ZNF516: variants seen among roughly 807,000 people sequenced by gnomAD.
ZNF516 encodes zinc finger protein 516.
A neutral mutation model predicts 79.7 loss-of-function variants in ZNF516; 19 were observed. The observed-to-expected ratio is 0.24, with a 90% CI of 0.17 to 0.35. ZNF516 has a LOEUF of 0.35. Ranked by LOEUF, ZNF516 falls within the 10% of genes least tolerant of loss-of-function variation. ZNF516 has a pLI of 1.00. For missense variants in ZNF516, 1,678 were observed against 1,679.5 expected, an observed-to-expected ratio of 1.00 and a Z score of 0.02; for synonymous variants, 877 against 739.5, an observed-to-expected ratio of 1.19 and a Z score of -3.02.
rs1238126134 is a variant in ZNF516, at chr18:76,379,622, A to C, written c.2492T>G (p.Leu831Arg). ...ALGGKECQPL[L>R]LARFTRTQVP... is the part of the protein sequence containing the mutation. Reference sequence around the variant, plus strand: ...CTGAGTGCGGGTGAACCGAGCAAGGAGCAAAGGCTGGCATTCTTTGCCACC... The same window carrying C: ...CTGAGTGCGGGTGAACCGAGCAAGGCGCAAAGGCTGGCATTCTTTGCCACC... The change falls in exon 4 of 7, where the codon CTC becomes CGC. Residue 831 changes from leucine to arginine, a missense_variant. Transcript: ENST00000443185. 1 of 1,613,604 alleles carries C rather than the reference A, an allele frequency of 6.2e-7. No individual in the cohort carries two copies. Among genetic ancestry groups the C allele is most frequent in the Admixed American group, 1.7e-5 (1 of 60,032 alleles).
intron 3 of ZNF516, among the ~76,000 whole-genome samples, chr18:76,400,206 G>A (rs961220729): frequency 2.6e-5 from 4 of 152,168 alleles, no homozygotes; most frequent in Non-Finnish European, 4.4e-5. Context: ...AAGCCAGAGA[G>A]GGAAAAAGAC....
chr18:76,385,504 A>G (rs2145089367), intron 3 of ZNF516: 1 of 150,392 alleles, frequency 6.6e-6, no homozygotes, highest in East Asian at 1.9e-4. Flanking sequence ...AAAAGTCTGC[A>G]GCCACGCAGC....
chr18:76,377,282 G>A (rs934828207), intron 4 of ZNF516, among the ~76,000 whole-genome samples: 10 of 152,256 alleles, frequency 6.6e-5, no homozygotes, highest in Non-Finnish European at 1.5e-4. Flanking sequence ...CGTGAATGAC[G>A]AGACCCTCGG....
Position 76,457,650 on chromosome 18 carries a change from G to A in ZNF516, c.-158+5378C>T, listed in dbSNP as rs549319945. ...GAAGATCCCTGACGCCGGGGAGGTC[G>A]AGGCTGCAGTGAGCCATGATCATGC... On this transcript the variant is annotated intron_variant, in intron 2 of 6. Transcript: ENST00000443185. 3.2e-4 allele frequency among the ~76,000 whole-genome samples: 48 copies of A among 152,302 alleles called. 1 individual carries two copies. The South Asian group carries it at 9.1e-3, about 29-fold the overall frequency.
At chr18:76,411,611 G>A (rs1449603077) in intron 3 of ZNF516, among the ~76,000 whole-genome samples, 1 of 152,206 alleles carries the variant, frequency 6.6e-6, no homozygotes, top group Non-Finnish European at 1.5e-5. Flanking sequence ...ATGGAAGGAT[G>A]TGTTGAAAAC....
At chr18:76,452,104 G>GA (rs1009535609) in intron 2 of ZNF516, among the ~76,000 whole-genome samples, 4 of 152,098 alleles carry the variant, frequency 2.6e-5, no homozygotes, top group Non-Finnish European at 5.9e-5. Context: ...GCATTCACAA[G>GA]AAACTCCACC....
At position 76,360,646 on chromosome 18, in the gene ZNF516, A is replaced by AAATATATAT. The variant is rs373540251; in HGVS notation, c.*1851_*1852insATATATATT. The AAATATATAT allele has an allele frequency of 8.3e-5, 6 of 72,464 alleles. No individual in the cohort carries two copies. The highest frequency in any genetic ancestry group is 3.1e-4 in the African/African-American group (5 of 16,376). The allele number at this position is 72,464 out of a possible 1,614,324, so 4.5% of individuals were successfully genotyped here. A position where few individuals can be genotyped will look rare whatever the true frequency, so the allele number is the denominator to read the frequency against. ...AAAAAAATAAGTAAAAAAAAAAAAA[A>AAATATATAT]ATATATATATATATATATATATATA... On this transcript the variant is annotated 3_prime_UTR_variant, in exon 7 of 7. Transcript: ENST00000443185.
chr18:76,423,882 G>T (rs1279555849), intron 3 of ZNF516, among the ~76,000 whole-genome samples: 8 of 140,234 alleles, frequency 5.7e-5, no homozygotes, highest in African/African-American at 8.1e-5. Context: ...AGGTGAAAAG[G>T]TTCCCCCGAA....
chr18:76,490,837 C>A, intron 1 of ZNF516: 1 of 985,482 alleles, frequency 1.0e-6, no homozygotes, highest in Non-Finnish European at 1.2e-6. Flanking sequence ...TCCTTTGTTA[C>A]GCAGGGGACA....
chr18:76,492,436 G>C, intron 1 of ZNF516: 1 of 917,108 alleles, frequency 1.1e-6, no homozygotes, highest in Non-Finnish European at 1.3e-6. Context: ...CAGGAGGCGG[G>C]TGGGCAGCCG....
chr18:76,380,085 C>T lies in ZNF516; in HGVS notation c.2029G>A (p.Ala677Thr). Reference sequence around the variant, plus strand: ...GGCACCTCCTGCTTGGGGTGAAATGCTGGCATCTTTAAGTCCATAGAAAAT... The same window carrying T: ...GGCACCTCCTGCTTGGGGTGAAATGTTGGCATCTTTAAGTCCATAGAAAAT... ...HRFSMDLKMP[A>T]FHPKQEVPVP... is the part of the protein sequence containing the mutation. Residue 677 changes from alanine (A) to threonine (T), a missense_variant, in exon 4 of 7, where the codon GCA becomes ACA. Physicochemically the swap from Ala to Thr is moderately conservative, Grantham distance 58 (BLOSUM62 0). Around this residue, in one of 5 missense-constraint regions of ZNF516, gnomAD observed 1,294 missense variants for 1,248.3 expected, o/e 1.04. Transcript: ENST00000443185. 6.2e-7 allele frequency: 1 copy of T among 1,613,956 alleles called. No individual in the cohort carries two copies. The highest frequency in any genetic ancestry group is 2.2e-5 in the East Asian group (1 of 44,878).
chr18:76,468,804 A>T (rs1191792152), intron 1 of ZNF516, among the ~76,000 whole-genome samples: 1 of 152,142 alleles, frequency 6.6e-6, no homozygotes, highest in Non-Finnish European at 1.5e-5. Context: ...ACACCCCTGA[A>T]AACTGTCACT....
chr18:76,387,102 T>C (rs11873665), intron 3 of ZNF516: 13,224 of 152,418 alleles, frequency 0.087, 1,418 homozygotes, highest in African/African-American at 0.25. Flanking sequence ...CCGTCATCCA[T>C]GTGGACTCTG....
At position 76,442,281 on chromosome 18, in the gene ZNF516, G is replaced by A. The variant is rs1911719438; in HGVS notation, c.774C>T (p.Ser258=). The part of the protein sequence containing the change: ...FPCEVCGQAF[S]QTWFLKAHMK... The stretch of plus-strand genomic sequence containing the variant: ...TGTGCGCCTTCAGGAACCAGGTCTG[G>A]CTGAAGGCCTGGCCACACACCTCGC... The change falls in exon 3 of 7, where the codon AGC becomes AGT. Residue 258 remains serine, a synonymous_variant. Transcript: ENST00000443185. 1.9e-6 allele frequency: 3 copies of A among 1,613,182 alleles called. No homozygotes were observed. Among genetic ancestry groups the A allele is most frequent in the Non-Finnish European group, 1.7e-6 (2 of 1,179,762 alleles).
chr18:76,439,711 A>T (rs2075789197), intron 3 of ZNF516, among the ~76,000 whole-genome samples: 1 of 152,188 alleles, frequency 6.6e-6, no homozygotes, highest in South Asian at 2.1e-4. Context: ...GGGGTGAGTG[A>T]GGCCCAAGAG....
At chr18:76,492,343 CT>C (rs1172139834) in intron 1 of ZNF516, 6 of 985,462 alleles carry the variant, frequency 6.1e-6, no homozygotes, top group Non-Finnish European at 7.2e-6. Flanking sequence ...AGTAAGTCAG[CT>C]GCAAGCGTGG....
intron 3 of ZNF516, among the ~76,000 whole-genome samples, chr18:76,395,596 A>G (rs769033761): frequency 3.3e-5 from 5 of 152,176 alleles, no homozygotes; most frequent in Admixed American, 6.5e-5. Flanking sequence ...CACAGAGCAC[A>G]GCTCTTAACC....
At chr18:76,461,429 G>A (rs912828356) in intron 2 of ZNF516, among the ~76,000 whole-genome samples, 3 of 152,160 alleles carry the variant, frequency 2.0e-5, no homozygotes, top group African/African-American at 7.2e-5. Flanking sequence ...GACCAAGAGG[G>A]CCCAGGGGAC....
chr18:76,448,539 A>G (rs1599108735), intron 2 of ZNF516, among the ~76,000 whole-genome samples: 1 of 152,346 alleles, frequency 6.6e-6, no homozygotes, highest in East Asian at 1.9e-4. Context: ...AGCACTGCAA[A>G]GCCTTGATAC....
Sources: gnomAD v4.1 joint callset for allele counts (sites outside exome capture counted in the v4.1 genomes callset) on GRCh38, gnomAD v4.1.1 for gene constraint, gnomAD v4.1.1 regional missense constraint, MANE v1.5 for transcripts, NCBI Gene and HGNC (gene_info 2026-07-23, HGNC 2026-07-21) for gene names.